The following PRPF6 variants were observed in gnomAD, a reference collection of about 807,000 sequenced individuals.
PRPF6 encodes the protein pre-mRNA processing factor 6, also known as pre-mRNA-processing factor 6.
In PRPF6, 42 loss-of-function variants were observed where a neutral mutation model predicts 118.3. The observed-to-expected ratio is 0.35, with a 90% confidence interval of 0.28 to 0.46. PRPF6 has a LOEUF of 0.46. PRPF6 is among the 20% of genes least tolerant of loss of function. The pLI is 1.00. For synonymous variants in PRPF6, 481 were observed against 485.1 expected, an observed-to-expected ratio of 0.99 and a Z score of 0.11; for missense variants, 662 against 1,255.7, an observed-to-expected ratio of 0.53 and a Z score of 7.15.
rs767986781 is a variant in PRPF6 at position 63,994,972 on chromosome 20, T to A, written c.495T>A (p.Asp165Glu). ...EEWLSIPEVG[D>E]ARNKRQRNPR... ...GGCTGAGCATCCCCGAGGTTGGCGA[T>A]GCCAGAAATAAACGTCAGCGGAACC... The change falls in exon 5 of 21, where the codon GAT becomes GAA. Residue 165 changes from aspartate to glutamate, a missense_variant. This residue lies in a region of PRPF6 where 97 missense variants were observed against 122.6 expected (regional missense o/e 0.79). Transcript: ENST00000266079. The A allele has an allele frequency of 1.2e-6, 2 of 1,614,196 alleles. No individual in the cohort carries two copies. Among genetic ancestry groups the A allele is most frequent in the African/African-American group, 2.7e-5 (2 of 75,064 alleles).
At chr20:64,002,556 A>G in intron 9 of PRPF6, among the ~76,000 whole-genome samples, 1 of 146,144 alleles carries the variant, frequency 6.8e-6, no homozygotes. Flanking sequence ...GGCTGGTCTC[A>G]AACTCCTGAC....
At chr20:63,994,876 T>C in intron 4 of PRPF6, 40 bp from the exon 5 acceptor site, 1 of 1,613,654 alleles carries the variant, frequency 6.2e-7, no homozygotes, top group South Asian at 1.1e-5. Context: ...CATGAAATTC[T>C]GTCAGAGAAT....
rs982924514 is a variant in PRPF6 at position 64,029,839 on chromosome 20, C to T, written c.2546+348C>T. Among the ~76,000 whole-genome samples the T allele has an allele frequency of 2.1e-5, 3 of 144,108 alleles. No homozygotes were observed. The highest frequency in any genetic ancestry group is 4.6e-5 in the Non-Finnish European group (3 of 65,408). The allele number at this position is 144,108 out of a possible 152,430, so 94.5% of individuals were successfully genotyped here. On this transcript the variant is annotated intron_variant, in intron 19 of 20. Transcript: ENST00000266079. This position sits in a 1 kb window ranked among gnomAD's most constrained non-coding sequence, Gnocchi z 4.8. ...ATGTGATTCACACTGGTGCTCTGGT[C>T]GCCGGGTCAGAGACTCACTGGGGAC...
At chr20:63,999,381 C>T (rs1055009484) in intron 7 of PRPF6, among the ~76,000 whole-genome samples, 1 of 152,228 alleles carries the variant, frequency 6.6e-6, no homozygotes, top group African/African-American at 2.4e-5. Context: ...CTGGCTGTGT[C>T]CCACATGTCC....
chr20:63,985,238 A>C (rs1257555889), intron 3 of PRPF6, among the ~76,000 whole-genome samples: 3 of 152,046 alleles, frequency 2.0e-5, no homozygotes, highest in Admixed American at 2.0e-4. Flanking sequence ...ACACACCTGT[A>C]GTCCCAGCTA....
intron 14 of PRPF6, among the ~76,000 whole-genome samples, chr20:64,025,047 T>G (rs1402401679): frequency 6.6e-6 from 1 of 151,192 alleles, no homozygotes; most frequent in Non-Finnish European, 1.5e-5. Context: ...ATGAGGGGGG[T>G]GTGTGTTTTT....
At chr20:63,984,143 A>G (rs2059083443) in intron 2 of PRPF6, among the ~76,000 whole-genome samples, 1 of 152,178 alleles carries the variant, frequency 6.6e-6, no homozygotes, top group South Asian at 2.1e-4. Flanking sequence ...TTTTGAGGCC[A>G]GGTGCGGTAG....
chr20:64,016,618 GCTGATGT>G, intron 11 of PRPF6, 98 bp from the exon 12 acceptor site: 1 of 1,458,178 alleles, frequency 6.9e-7, no homozygotes, highest in Middle Eastern at 2.2e-4. Context: ...AGCATCTTGT[GCTGATGT>G]CTGTCAGTTT....
At chr20:64,000,015 G>A (rs2059159481) in intron 8 of PRPF6, among the ~76,000 whole-genome samples, 1 of 150,656 alleles carries the variant, frequency 6.6e-6, no homozygotes, top group Admixed American at 6.6e-5. Flanking sequence ...GCAGTGGCAC[G>A]ATCTCGGCTC....
chr20:64,016,651 T>C, intron 11 of PRPF6, 72 bp from the exon 12 acceptor site: 1 of 1,589,088 alleles, frequency 6.3e-7, no homozygotes, highest in South Asian at 1.1e-5. Context: ...GTTCAGGAAC[T>C]CCGTACTCCC....
chr20:63,992,451 G>A (rs2059122751), intron 3 of PRPF6, among the ~76,000 whole-genome samples: 1 of 151,892 alleles, frequency 6.6e-6, no homozygotes, highest in African/African-American at 2.4e-5. Context: ...TAGTATAGAT[G>A]GGGTTTTACC....
rs760987453 is a variant in PRPF6, at chr20:64,032,827, T to C, written c.2674-14T>C. 4 of 1,601,514 alleles carry C rather than the reference T, an allele frequency of 2.5e-6. No individual in the cohort carries two copies. Among genetic ancestry groups the C allele is most frequent in the Non-Finnish European group, 8.5e-7 (1 of 1,175,370 alleles). On this transcript the variant is annotated splice_polypyrimidine_tract_variant and intron_variant, in intron 20 of 20. Transcript: ENST00000266079. ...GGGAGGACCCCTGCCTGACGTGCCC[T>C]GTGGTCCCCCCAGGAGCAGCAGGAG...
intron 2 of PRPF6, among the ~76,000 whole-genome samples, chr20:63,984,555 A>G (rs560737879): frequency 6.0e-4 from 92 of 152,342 alleles, no homozygotes; most frequent in African/African-American, 2.1e-3. Flanking sequence ...TAGTGCAGTT[A>G]TTGAAACGAA....
chr20:64,011,413 G>T lies in PRPF6; in HGVS notation c.1434G>T (p.Gly478=). 1 of 1,614,252 alleles carries T rather than the reference G, an allele frequency of 6.2e-7. No homozygotes were observed. Among genetic ancestry groups the T allele is most frequent in the Non-Finnish European group, 8.5e-7 (1 of 1,180,050 alleles). Reference sequence around the variant, plus strand: ...CTGCTAAGCTGGAGGAAGCCAATGGGAACACGCAGATGGTGGAGAAGATCA... The same window carrying T: ...CTGCTAAGCTGGAGGAAGCCAATGGTAACACGCAGATGGTGGAGAAGATCA... ...ITAAKLEEAN[G]NTQMVEKIID... Residue 478 remains glycine (G), a synonymous_variant, in exon 11 of 21, where the codon GGG becomes GGT. Transcript: ENST00000266079. The surrounding 1 kb of genome is among the most constrained non-coding windows in gnomAD (Gnocchi z 6.7).
chr20:63,982,222 G>C (rs2059072624), intron 1 of PRPF6, among the ~76,000 whole-genome samples: 1 of 152,096 alleles, frequency 6.6e-6, no homozygotes, highest in Non-Finnish European at 1.5e-5. Flanking sequence ...GCCCAAGCTG[G>C]AGTGCAATGG....
chr20:64,000,933 C>G, intron 8 of PRPF6, 144 bp from the exon 9 acceptor site: 1 of 796,564 alleles, frequency 1.3e-6, no homozygotes, highest in Non-Finnish European at 2.1e-6. Context: ...GGGGCGACTC[C>G]TGGTGCAGGT....
At chr20:63,988,830 T>A (rs1225692534) in intron 3 of PRPF6, among the ~76,000 whole-genome samples, 1 of 151,224 alleles carries the variant, frequency 6.6e-6, no homozygotes, top group African/African-American at 2.4e-5. Context: ...GATCGTGCCA[T>A]TGCACTCCGG....
rs756558140 is a variant in PRPF6, at chr20:64,016,772, T to C, written c.1574T>C (p.Val525Ala). 1.2e-6 allele frequency: 2 copies of C among 1,613,994 alleles called. No individual in the cohort carries two copies. Among genetic ancestry groups the C allele is most frequent in the African/African-American group, 2.7e-5 (2 of 74,914 alleles). ...GGGAGTGTGGCCACCTGCCAGGCCG[T>C]CATGCGTGCCGTGATTGGGATTGGG... is the stretch of plus-strand genomic sequence containing the variant. Reference protein sequence around the residue: ...RAGSVATCQAVMRAVIGIGIE... With the variant: ...RAGSVATCQAAMRAVIGIGIE... The change falls in exon 12 of 21, where the codon GTC becomes GCC. Residue 525 changes from valine (V) to alanine (A), a missense_variant. Around this residue, in one of 10 missense-constraint regions of PRPF6, gnomAD observed 189 missense variants for 323.5 expected, o/e 0.58. Coordinates refer to ENST00000266079, the MANE Select transcript of PRPF6 (RefSeq NM_012469.4).
At chr20:63,993,204 A>G (rs1041241840) in intron 3 of PRPF6, among the ~76,000 whole-genome samples, 3 of 148,824 alleles carry the variant, frequency 2.0e-5, no homozygotes, top group African/African-American at 5.0e-5. Flanking sequence ...TGACAGAGCA[A>G]GACTCCATCT....
Sources: gnomAD v4.1 joint callset for allele counts (sites outside exome capture counted in the v4.1 genomes callset) on GRCh38, gnomAD v4.1.1 for gene constraint, gnomAD v4.1.1 regional missense constraint, Gnocchi (gnomAD v3.1) non-coding constraint, MANE v1.5 for transcripts, NCBI Gene and HGNC (gene_info 2026-07-23, HGNC 2026-07-21) for gene names.